The following BTBD9 variants were observed in gnomAD, a reference collection of about 807,000 sequenced individuals.
The protein encoded by BTBD9 is BTB/POZ domain-containing protein 9.
A neutral mutation model predicts 64.3 loss-of-function variants in BTBD9; 49 were observed. The observed-to-expected ratio is 0.76, with a 90% CI of 0.61 to 0.97. BTBD9 has a LOEUF of 0.97. Ranked by LOEUF, BTBD9 falls within the 50% of genes least tolerant of loss-of-function variation. The pLI, the probability that BTBD9 is intolerant of heterozygous loss-of-function variation, is 0.00. For missense variants in BTBD9, 598 were observed against 762.1 expected (o/e 0.78, Z 2.53); for synonymous variants, 260 against 274.7 (o/e 0.95, Z 0.53).
At chr6:38,542,688 A>G (rs1774341500) in intron 6 of BTBD9, among the ~76,000 whole-genome samples, 1 of 152,194 alleles carries the variant, frequency 6.6e-6, no homozygotes, top group Admixed American at 6.5e-5. Context: ...CTCTTGGAAA[A>G]TTAAAAAAGC....
chr6:38,375,938 AGAAGGAAAGAAG>A (rs150673888), intron 6 of BTBD9, among the ~76,000 whole-genome samples: 13,389 of 104,548 alleles, frequency 0.13, 931 homozygotes, highest in East Asian at 0.35. Context: ...AAAGAAAGAA[AGAAGGAAAGAAG>A]GAAAGAAAGA....
At chr6:38,584,414 G>T (rs1776422803) in intron 4 of BTBD9, among the ~76,000 whole-genome samples, 1 of 152,128 alleles carries the variant, frequency 6.6e-6, no homozygotes, top group African/African-American at 2.4e-5. Flanking sequence ...ATTAAGCTTT[G>T]AAATTCTACA....
chr6:38,405,193 G>A (rs1767109972), intron 6 of BTBD9, among the ~76,000 whole-genome samples: 1 of 152,126 alleles, frequency 6.6e-6, no homozygotes, highest in Non-Finnish European at 1.5e-5. Flanking sequence ...TCTATCTGAG[G>A]AAGGGCCTGA....
chr6:38,324,970 T>C (rs755459266), intron 7 of BTBD9, among the ~76,000 whole-genome samples: 2 of 152,164 alleles, frequency 1.3e-5, no homozygotes, highest in Non-Finnish European at 2.9e-5. Context: ...TGTGAGACTG[T>C]TGCAAGGGTT....
At chr6:38,291,078 G>C (rs114887644) in intron 7 of BTBD9, among the ~76,000 whole-genome samples, 2,742 of 152,236 alleles carry the variant, frequency 0.018, 26 homozygotes, top group Admixed American at 0.026. Context: ...AGGAATACTT[G>C]AGATTTCTAT....
intron 6 of BTBD9, among the ~76,000 whole-genome samples, chr6:38,553,088 T>C (rs724242): frequency 0.1 from 15,982 of 152,266 alleles, 1,272 homozygotes; most frequent in East Asian, 0.23. Flanking sequence ...AAATGCTATG[T>C]ATATAGTTGG....
intron 6 of BTBD9, among the ~76,000 whole-genome samples, chr6:38,542,179 C>T (rs1774309451): frequency 6.6e-6 from 1 of 152,154 alleles, no homozygotes; most frequent in African/African-American, 2.4e-5. Context: ...ATACACAAGA[C>T]CTGTTTTCTA....
At chr6:38,634,080 T>C (rs1778448522) in intron 1 of BTBD9, among the ~76,000 whole-genome samples, 1 of 152,196 alleles carries the variant, frequency 6.6e-6, no homozygotes, top group African/African-American at 2.4e-5. Context: ...GCTTAATGAA[T>C]GTTAGCTGGG....
intron 8 of BTBD9, among the ~76,000 whole-genome samples, chr6:38,259,802 T>C (rs1361809299): frequency 6.6e-6 from 1 of 152,204 alleles, no homozygotes; most frequent in Non-Finnish European, 1.5e-5. Flanking sequence ...TTAAATGGGT[T>C]TGGAAAGCAT....
At position 38,383,636 on chromosome 6, in the gene BTBD9, T is replaced by G. The variant is rs568065526; in HGVS notation, c.1155-38543A>C. 1.8e-4 allele frequency among the ~76,000 whole-genome samples: 28 copies of G among 152,230 alleles called. 1 individual carries two copies. The South Asian group carries it at 5.8e-3, about 32-fold the overall frequency. ...GCAGATATGGAGAAAGTTATAAAAT[T>G]TTGTTGAATGACGGTAAAGAAGACC... On this transcript the variant is annotated intron_variant, in intron 6 of 10. Transcript: ENST00000481247.
chr6:38,576,563 A>AT (rs1776043360), intron 6 of BTBD9, among the ~76,000 whole-genome samples: 1 of 152,186 alleles, frequency 6.6e-6, no homozygotes, highest in South Asian at 2.1e-4. Flanking sequence ...TTTCACAAGT[A>AT]TAAGAGTAAC....
chr6:38,224,829 T>A (rs531663222), intron 9 of BTBD9, among the ~76,000 whole-genome samples: 1 of 152,338 alleles, frequency 6.6e-6, no homozygotes, highest in South Asian at 2.1e-4. Context: ...TTTCAGAATA[T>A]GTGTGTTAGG....
rs575218328 is a variant in BTBD9, at chr6:38,421,590, A to G, written c.1155-76497T>C. 1.6e-4 allele frequency among the ~76,000 whole-genome samples: 25 copies of G among 152,348 alleles called. No homozygotes were observed. In the South Asian group the frequency reaches 3.7e-3, roughly 23 times the overall value. ...TTCCGTATATTGGCCTCAGGATAAAAGCACATGGAGCAGCAGATTTTAGTG... is the reference window on the plus strand; with the variant it reads ...TTCCGTATATTGGCCTCAGGATAAAGGCACATGGAGCAGCAGATTTTAGTG... On this transcript the variant is annotated intron_variant, in intron 6 of 10. Coordinates refer to ENST00000481247, the MANE Select transcript of BTBD9 (RefSeq NM_001099272.2).
chr6:38,618,551 G>A (rs1191406962), intron 1 of BTBD9, among the ~76,000 whole-genome samples: 1 of 151,988 alleles, frequency 6.6e-6, no homozygotes, highest in Non-Finnish European at 1.5e-5. Flanking sequence ...AAAGAAACAG[G>A]CAAAGAAATC....
At chr6:38,441,287 C>CTAGT (rs1363414594) in intron 6 of BTBD9, among the ~76,000 whole-genome samples, 13 of 152,106 alleles carry the variant, frequency 8.5e-5, no homozygotes, top group Admixed American at 7.9e-4. Flanking sequence ...TTGGAGGGAC[C>CTAGT]TAGTCCCTCC....
At chr6:38,342,974 C>T (rs752540902) in intron 7 of BTBD9, among the ~76,000 whole-genome samples, 4 of 152,132 alleles carry the variant, frequency 2.6e-5, no homozygotes, top group African/African-American at 7.2e-5. Flanking sequence ...GAGGATGGTC[C>T]AAGGAGGGTC....
chr6:38,484,133 T>C (rs1424262693), intron 6 of BTBD9, among the ~76,000 whole-genome samples: 1 of 152,220 alleles, frequency 6.6e-6, no homozygotes, highest in African/African-American at 2.4e-5. Flanking sequence ...TAGAATCCTG[T>C]GTTCAGCTCT....
chr6:38,542,459 C>T (rs1774322479), intron 6 of BTBD9, among the ~76,000 whole-genome samples: 2 of 152,006 alleles, frequency 1.3e-5, no homozygotes. Context: ...TCATTACCAC[C>T]CTCAAAATAT....
At chr6:38,570,883 T>C (rs945184783) in intron 6 of BTBD9, among the ~76,000 whole-genome samples, 6 of 152,184 alleles carry the variant, frequency 3.9e-5, no homozygotes, top group Non-Finnish European at 1.5e-5. Flanking sequence ...TTCAGAACAA[T>C]TTATATTTAA....
Sources: gnomAD v4.1 joint callset for allele counts (sites outside exome capture counted in the v4.1 genomes callset) on GRCh38, gnomAD v4.1.1 for gene constraint, MANE v1.5 for transcripts, NCBI Gene and HGNC (gene_info 2026-07-23, HGNC 2026-07-21) for gene names.